The following CLMP variants were observed in gnomAD, a reference collection of about 807,000 sequenced individuals.
CLMP encodes CXADR like cell adhesion molecule.
Under a neutral mutation model 45.2 loss-of-function variants are expected in CLMP, and 27 were observed. The ratio of observed to expected loss-of-function variants is 0.60; its 90% CI spans 0.44 to 0.82. CLMP has a LOEUF of 0.82. Among genes scored for constraint, CLMP ranks in the 40% least tolerant of loss-of-function variants. CLMP has a pLI of 0.00. For missense variants in CLMP, 403 were observed against 448.4 expected (o/e 0.90, Z 0.91); for synonymous variants, 167 against 171.4 (o/e 0.97, Z 0.20).
rs144014813 is a variant in CLMP, at chr11:123,169,929, A to G, written c.28+24984T>C. On this transcript the variant is annotated intron_variant, in intron 1 of 6. Transcript: ENST00000448775. ...GAGTTTATCTAAAGACCTGCAATCA[A>G]TAGAAGTGTCTGAGTTAAGGGGTTG... Among the ~76,000 whole-genome samples, 3 of 152,318 alleles carry G rather than the reference A, an allele frequency of 2.0e-5. No homozygotes were observed. The East Asian group carries it at 5.8e-4, about 29-fold the overall frequency.
chr11:123,182,769 G>A (rs746055086), intron 1 of CLMP, among the ~76,000 whole-genome samples: 14 of 152,104 alleles, frequency 9.2e-5, no homozygotes, highest in Non-Finnish European at 2.9e-5. Flanking sequence ...GCCTTCGTAA[G>A]AACATCATCA....
At chr11:123,158,225 C>T (rs774090673) in intron 1 of CLMP, among the ~76,000 whole-genome samples, 27 of 152,210 alleles carry the variant, frequency 1.8e-4, no homozygotes, top group Non-Finnish European at 2.8e-4. Flanking sequence ...CTCTCAGCCT[C>T]TAAGTGCCCT....
At chr11:123,074,071 A>G (rs1263561782) in intron 6 of CLMP, among the ~76,000 whole-genome samples, 1 of 151,972 alleles carries the variant, frequency 6.6e-6, no homozygotes, top group Non-Finnish European at 1.5e-5. Flanking sequence ...CCCTTTCATG[A>G]CCTATAGGCT....
At position 123,162,784 on chromosome 11, in the gene CLMP, C is replaced by T. The variant is rs867135831; in HGVS notation, c.28+32129G>A. ...AGGCATGGTGGCAAGTGCCTGTAGT[C>T]CCAGCTGCTTGGGGGGCTGAGGCAG... On this transcript the variant is annotated intron_variant, in intron 1 of 6. Transcript: ENST00000448775. 4.0e-5 allele frequency among the ~76,000 whole-genome samples: 6 copies of T among 151,738 alleles called. 1 individual carries two copies. The Middle Eastern group carries it at 0.01, about 260-fold the overall frequency.
chr11:123,101,976 G>A (rs1031265574), intron 1 of CLMP, among the ~76,000 whole-genome samples: 1 of 152,120 alleles, frequency 6.6e-6, no homozygotes, highest in Non-Finnish European at 1.5e-5. Context: ...TTGAGTCCAG[G>A]AGTTTTGAGA....
rs1865672963 is a variant in CLMP at position 123,071,600 on chromosome 11, T to G, written c.*1874A>C. ...TTAGCTGGGTGTGATGGCAGGCACC[T>G]GTAATACCAGCGACTCAGGAGGACA... On this transcript the variant is annotated 3_prime_UTR_variant, in exon 7 of 7. Transcript: ENST00000448775. The G allele has an allele frequency of 6.6e-6, 1 of 152,116 alleles. No homozygotes were observed. The highest frequency in any genetic ancestry group is 1.5e-5 in the Non-Finnish European group (1 of 68,078). The allele number at this position is 152,116 out of a possible 1,614,324, so 9.4% of individuals were successfully genotyped here.
intron 1 of CLMP, among the ~76,000 whole-genome samples, chr11:123,102,707 CTTTTTTTTT>C (rs34392557): frequency 1.1e-5 from 1 of 93,288 alleles, no homozygotes; most frequent in Non-Finnish European, 1.9e-5. Context: ...TCCCGAGTAG[CTTTTTTTTT>C]TTTTTTTTTT....
At chr11:123,102,279 GTTT>G (rs1174991262) in intron 1 of CLMP, among the ~76,000 whole-genome samples, 1 of 120,918 alleles carries the variant, frequency 8.3e-6, no homozygotes, top group Admixed American at 9.7e-5. Flanking sequence ...ATCTTTCCAG[GTTT>G]TTTTTTTTTT....
At position 123,143,563 on chromosome 11, in the gene CLMP, A is replaced by G. The variant is rs1861196006; in HGVS notation, c.29-45611T>C. Reference sequence around the variant, plus strand: ...AGGGAACAGTGGGTGGCCTCTGATCAAAATCCAGCAGAGAGCTGACTCTCT... The same window carrying G: ...AGGGAACAGTGGGTGGCCTCTGATCGAAATCCAGCAGAGAGCTGACTCTCT... On this transcript the variant is annotated intron_variant, in intron 1 of 6. Transcript: ENST00000448775. Among the ~76,000 whole-genome samples the G allele has an allele frequency of 2.6e-5, 4 of 152,310 alleles. No homozygotes were observed. The South Asian group carries it at 8.3e-4, about 32-fold the overall frequency.
Position 123,073,159 on chromosome 11 carries a change from A to G in CLMP, c.*315T>C. The stretch of plus-strand genomic sequence containing the variant: ...CAAAATATCCCACATTAAAAGTTTT[A>G]GGTATATTCACCTCACCTTTCCCCA... On this transcript the variant is annotated 3_prime_UTR_variant, in exon 7 of 7. Coordinates refer to ENST00000448775, the MANE Select transcript of CLMP (RefSeq NM_024769.5). The G allele has an allele frequency of 4.3e-6, 1 of 233,326 alleles. No homozygotes were observed. Among genetic ancestry groups the G allele is most frequent in the Non-Finnish European group, 8.3e-6 (1 of 120,802 alleles). The allele number at this position is 233,326 out of a possible 1,614,324, so 14.5% of individuals were successfully genotyped here.
intron 1 of CLMP, among the ~76,000 whole-genome samples, chr11:123,112,393 A>G (rs540239882): frequency 9.0e-4 from 129 of 142,614 alleles, no homozygotes; most frequent in African/African-American, 3.2e-3. Context: ...GCTGGAGTGC[A>G]GTGGTGTGAT....
At chr11:123,135,282 A>G (rs1861055883) in intron 1 of CLMP, among the ~76,000 whole-genome samples, 1 of 130,554 alleles carries the variant, frequency 7.7e-6, no homozygotes, top group Non-Finnish European at 1.6e-5. Flanking sequence ...AAAACCTGAG[A>G]AAATTGTCAA....
chr11:123,161,255 G>A (rs542465420), intron 1 of CLMP, among the ~76,000 whole-genome samples: 4 of 152,300 alleles, frequency 2.6e-5, no homozygotes, highest in African/African-American at 9.6e-5. Flanking sequence ...TGAGACTGTA[G>A]AACTGAGACA....
chr11:123,074,275 A>G (rs781005570), intron 6 of CLMP, among the ~76,000 whole-genome samples: 5 of 151,442 alleles, frequency 3.3e-5, no homozygotes, highest in Non-Finnish European at 7.4e-5. Context: ...CCTGGGCTAA[A>G]GTCATCCTCC....
chr11:123,096,462 T>C (rs1865990789), intron 2 of CLMP, among the ~76,000 whole-genome samples: 1 of 151,902 alleles, frequency 6.6e-6, no homozygotes, highest in African/African-American at 2.4e-5. Context: ...GAGTGGAGGT[T>C]GCAGTGAGCT....
rs139074057 is a variant in CLMP, at chr11:123,088,062, C to T, written c.187-3349G>A. Among the ~76,000 whole-genome samples the T allele has an allele frequency of 1.2e-3, 189 of 152,030 alleles. 3 individuals are homozygous for T. The East Asian group carries it at 0.034, about 28-fold the overall frequency. On this transcript the variant is annotated intron_variant, in intron 2 of 6. Transcript: ENST00000448775. ...AGTAGCTGGGATTACAGGCATGTGCCACCAGGCCCAGCTAATTTTGTATTT... is the reference window on the plus strand; with the variant it reads ...AGTAGCTGGGATTACAGGCATGTGCTACCAGGCCCAGCTAATTTTGTATTT...
At position 123,083,789 on chromosome 11, in the gene CLMP, C is replaced by T; in HGVS notation, c.447G>A (p.Leu149=). Reference sequence around the variant, plus strand: ...CAGAGGATGACTCACACTGCAAAGTCAGGTCACTTCCTTCTGTCAGCTCTC... The same window carrying T: ...CAGAGGATGACTCACACTGCAAAGTTAGGTCACTTCCTTCTGTCAGCTCTC... The part of the protein sequence containing the change: ...LEGELTEGSD[L]TLQCESSSGT... Residue 149 remains leucine, a synonymous_variant, in exon 4 of 7, where the codon CTG becomes CTA. Coordinates refer to ENST00000448775, the MANE Select transcript of CLMP (RefSeq NM_024769.5). 6.2e-7 allele frequency: 1 copy of T among 1,613,956 alleles called. No individual in the cohort carries two copies. The highest frequency in any genetic ancestry group is 8.5e-7 in the Non-Finnish European group (1 of 1,180,036).
rs190604034 is a variant in CLMP, at chr11:123,153,270, A to T, written c.28+41643T>A. ...AATGGCTTCCAGCGTTTGAGCAAAT[A>T]CAAGTTTCAGATATTTTCTCTCCAA... is the stretch of plus-strand genomic sequence containing the variant. On this transcript the variant is annotated intron_variant, in intron 1 of 6. Transcript: ENST00000448775. Among the ~76,000 whole-genome samples, 1,063 of 152,252 alleles carry T rather than the reference A, an allele frequency of 7.0e-3. 44 individuals are homozygous for T. Among genetic ancestry groups the T allele is most frequent in the Admixed American group, 0.064 (981 of 15,282 alleles).
At chr11:123,157,198 T>C (rs781047287) in intron 1 of CLMP, among the ~76,000 whole-genome samples, 2 of 152,184 alleles carry the variant, frequency 1.3e-5, no homozygotes, top group Non-Finnish European at 2.9e-5. Flanking sequence ...AGGAGAATAC[T>C]TGAGTGTCAG....
Sources: gnomAD v4.1 joint callset for allele counts (sites outside exome capture counted in the v4.1 genomes callset) on GRCh38, gnomAD v4.1.1 for gene constraint, MANE v1.5 for transcripts, NCBI Gene and HGNC (gene_info 2026-07-23, HGNC 2026-07-21) for gene names.